Variants in RBFOX1 observed in about 807,000 individuals in gnomAD.
RBFOX1 encodes the protein RNA binding fox-1 homolog 1, also known as RNA binding protein fox-1 homolog 1.
A neutral mutation model predicts 57.7 loss-of-function variants in RBFOX1; 8 were observed. The observed-to-expected ratio is 0.14, with a 90% CI of 0.08 to 0.25. The LOEUF (loss-of-function observed/expected upper bound fraction) is 0.25, where lower values mean the gene tolerates loss of function less well. Ranked by LOEUF, RBFOX1 falls within the 10% of genes least tolerant of loss-of-function variation. The probability of loss-of-function intolerance (pLI) is 1.00; values close to 1 mark genes in which losing one functional copy is unlikely to be tolerated. For synonymous variants in RBFOX1, 326 were observed against 222.4 expected, an observed-to-expected ratio of 1.47 and a Z score of -4.15; for missense variants, 611 against 548.5, an observed-to-expected ratio of 1.11 and a Z score of -1.14.
intron 3 of RBFOX1, among the ~76,000 whole-genome samples, chr16:5,637,361 A>T (rs532809200): frequency 9.2e-5 from 14 of 152,292 alleles, no homozygotes; most frequent in African/African-American, 3.1e-4. Context: ...TGGTCTCCAG[A>T]GCTAGGTTTC....
chr16:5,917,383 C>T (rs560762167), intron 4 of RBFOX1, among the ~76,000 whole-genome samples: 55 of 152,342 alleles, frequency 3.6e-4, no homozygotes, highest in Non-Finnish European at 6.9e-4. Flanking sequence ...ATCCTCCCAA[C>T]AGCCTAAGAG....
intron 3 of RBFOX1, among the ~76,000 whole-genome samples, chr16:6,901,296 G>T (rs563539334): frequency 6.6e-6 from 1 of 152,160 alleles, no homozygotes; most frequent in African/African-American, 2.4e-5. Flanking sequence ...ATCCCTCTCC[G>T]TGGGCTCATT....
intron 3 of RBFOX1, among the ~76,000 whole-genome samples, chr16:6,987,828 G>A (rs1347753811): frequency 6.6e-6 from 1 of 152,150 alleles, no homozygotes; most frequent in Non-Finnish European, 1.5e-5. Context: ...AGTGACAGAA[G>A]AGATTAGAAA....
intron 4 of RBFOX1, among the ~76,000 whole-genome samples, chr16:7,211,765 G>C (rs1397181608): frequency 1.3e-5 from 2 of 152,116 alleles, no homozygotes; most frequent in African/African-American, 4.8e-5. Context: ...GGACTCGGGG[G>C]GATTCAAGCC....
At chr16:6,934,129 A>T (rs1395538464) in intron 3 of RBFOX1, among the ~76,000 whole-genome samples, 1 of 152,092 alleles carries the variant, frequency 6.6e-6, no homozygotes, top group Non-Finnish European at 1.5e-5. Flanking sequence ...CCATAGTGAG[A>T]CAGGGAACTT....
At chr16:6,708,465 A>G (rs2063155514) in intron 3 of RBFOX1, among the ~76,000 whole-genome samples, 2 of 152,136 alleles carry the variant, frequency 1.3e-5, no homozygotes, top group South Asian at 4.1e-4. Context: ...CTTTCTCCAC[A>G]TGCTGCCCAA....
At chr16:6,442,593 C>G (rs926368402) in intron 2 of RBFOX1, among the ~76,000 whole-genome samples, 2 of 151,916 alleles carry the variant, frequency 1.3e-5, no homozygotes, top group East Asian at 3.9e-4. Flanking sequence ...AACAGTGTTC[C>G]TCTGCTGTCT....
chr16:7,059,345 G>A (rs2053527638), intron 4 of RBFOX1, among the ~76,000 whole-genome samples: 1 of 152,116 alleles, frequency 6.6e-6, no homozygotes, highest in Non-Finnish European at 1.5e-5. Context: ...TATAATTTTA[G>A]GATGGTTCGT....
At chr16:6,698,476 C>G (rs2061368434) in intron 3 of RBFOX1, among the ~76,000 whole-genome samples, 1 of 152,200 alleles carries the variant, frequency 6.6e-6, no homozygotes, top group Admixed American at 6.5e-5. Context: ...CTGTCATTAT[C>G]TCTTCCTGGG....
At chr16:5,757,221 T>C (rs1468007688) in intron 3 of RBFOX1, among the ~76,000 whole-genome samples, 1 of 149,160 alleles carries the variant, frequency 6.7e-6, no homozygotes, top group Non-Finnish European at 1.5e-5. Flanking sequence ...TTTTTTGTTT[T>C]GGTTTTTGTG....
intron 9 of RBFOX1, among the ~76,000 whole-genome samples, chr16:7,606,373 G>C (rs1377833342): frequency 6.6e-6 from 1 of 152,060 alleles, no homozygotes; most frequent in Admixed American, 6.6e-5. Context: ...TCCCTGCCTT[G>C]GCCTCCCAAA....
chr16:7,410,307 C>T (rs149840747), intron 4 of RBFOX1, among the ~76,000 whole-genome samples: 56 of 152,328 alleles, frequency 3.7e-4, no homozygotes, highest in African/African-American at 1.3e-3. Flanking sequence ...TCTCACTTGA[C>T]AAATAAGGAT....
chr16:6,458,560 G>A (rs550116863), intron 2 of RBFOX1, among the ~76,000 whole-genome samples: 93 of 152,124 alleles, frequency 6.1e-4, no homozygotes, highest in Admixed American at 3.9e-4. Context: ...GACAAACCAG[G>A]CATCAACCAT....
At chr16:7,299,084 C>A (rs1038752918) in intron 4 of RBFOX1, among the ~76,000 whole-genome samples, 1 of 152,132 alleles carries the variant, frequency 6.6e-6, no homozygotes, top group Non-Finnish European at 1.5e-5. Context: ...GAAAGATGTG[C>A]GTATTTTAGA....
intron 3 of RBFOX1, among the ~76,000 whole-genome samples, chr16:5,806,177 CA>C (rs1162076355): frequency 3.3e-5 from 5 of 152,172 alleles, no homozygotes; most frequent in Non-Finnish European, 1.5e-5. Context: ...CTTTCTTCAC[CA>C]GCCACTGGAG....
intron 2 of RBFOX1, among the ~76,000 whole-genome samples, chr16:5,497,622 C>CAA (rs911723996): frequency 5.4e-4 from 29 of 53,406 alleles, no homozygotes; most frequent in Admixed American, 1.1e-3. Context: ...ACTAAAAATA[C>CAA]AAAAAAAAAA....
chr16:7,651,448 G>T (rs952544151), intron 11 of RBFOX1, among the ~76,000 whole-genome samples: 1 of 152,118 alleles, frequency 6.6e-6, no homozygotes, highest in African/African-American at 2.4e-5. Context: ...CTCCTTGGTC[G>T]CAGCCAGGGC....
At chr16:6,187,844 G>A (rs532745112) in intron 1 of RBFOX1, among the ~76,000 whole-genome samples, 2 of 152,284 alleles carry the variant, frequency 1.3e-5, no homozygotes, top group South Asian at 2.1e-4. Flanking sequence ...GCTCTGATAC[G>A]AATGTGACCA....
intron 2 of RBFOX1, among the ~76,000 whole-genome samples, chr16:6,470,794 C>CT (rs912510967): frequency 6.6e-6 from 1 of 152,040 alleles, no homozygotes; most frequent in Non-Finnish European, 1.5e-5. Context: ...TGTTTTTATC[C>CT]TTTTTTTAAC....
Sources: gnomAD v4.1 joint callset for allele counts (sites outside exome capture counted in the v4.1 genomes callset) on GRCh38, gnomAD v4.1.1 for gene constraint, MANE v1.5 for transcripts, NCBI Gene and HGNC (gene_info 2026-07-23, HGNC 2026-07-21) for gene names.